The following PTX3 variants were observed in gnomAD, a reference collection of about 807,000 sequenced individuals.
The protein encoded by PTX3 is pentraxin-related protein PTX3.
PTX3 carries 24 observed loss-of-function variants against 23.5 expected under a neutral mutation model. The ratio of observed to expected loss-of-function variants is 1.02; its 90% CI spans 0.74 to 1.43. The LOEUF is 1.43. Ranked by LOEUF, PTX3 falls within the 40% of genes most tolerant of loss-of-function variation. PTX3 has a pLI of 0.00. For missense variants in PTX3, 510 were observed against 497.5 expected, an observed-to-expected ratio of 1.02 and a Z score of -0.24; for synonymous variants, 218 against 205.4, an observed-to-expected ratio of 1.06 and a Z score of -0.53.
intron 2 of PTX3, among the ~76,000 whole-genome samples, chr3:157,441,138 C>T (rs946972376): frequency 1.3e-5 from 2 of 152,126 alleles, no homozygotes; most frequent in Non-Finnish European, 1.5e-5. Context: ...AGTAGTAACA[C>T]CATCTGGATT....
Position 157,438,051 on chromosome 3 carries a change from A to G in PTX3, c.532+137A>G, listed in dbSNP as rs1345653582. 7.0e-5 allele frequency: 51 copies of G among 725,146 alleles called. 1 individual carries two copies. The highest frequency in any genetic ancestry group is 7.7e-4 in the Middle Eastern group (2 of 2,598). 44.9% of individuals were successfully genotyped at this position (725,146 alleles called of 1,614,324 possible). ...CGCGCGCGCGCGCACACACACACAC[A>G]CACACACACACACACACACACCCCT... On this transcript the variant is annotated intron_variant, in intron 2 of 2. Coordinates refer to ENST00000295927, the MANE Select transcript of PTX3 (RefSeq NM_002852.4).
At position 157,442,896 on chromosome 3, in the gene PTX3, G is replaced by C. The variant is rs149891511; in HGVS notation, c.1063G>C (p.Glu355Gln). 18 of 1,614,236 alleles carry C rather than the reference G, an allele frequency of 1.1e-5. No individual in the cohort carries two copies. The African/African-American group carries it at 1.6e-4, about 14-fold the overall frequency. The change falls in exon 3 of 3, where the codon GAG becomes CAG. Residue 355 changes from glutamate (E) to glutamine (Q), a missense_variant. Transcript: ENST00000295927. Reference sequence around the variant, plus strand: ...AGAGATAAGAGAGACCGGAGGAGCAGAGTCTTGTCACATCCGGGGGAATAT... The same window carrying C: ...AGAGATAAGAGAGACCGGAGGAGCACAGTCTTGTCACATCCGGGGGAATAT... ...NEEIRETGGAESCHIRGNIVG... is the reference protein window; with the variant it reads ...NEEIRETGGAQSCHIRGNIVG...
Position 157,442,768 on chromosome 3 carries a change from A to C in PTX3, c.935A>C (p.Gln312Pro). ...VPEGGILQIG[Q>P]EKNGCCVGGG... ...GAGGGAGGAATCCTGCAGATTGGCC[A>C]AGAAAAGAATGGCTGCTGTGTGGGT... is the stretch of plus-strand genomic sequence containing the variant. Residue 312 changes from glutamine to proline, a missense_variant, in exon 3 of 3, where the codon CAA becomes CCA. Gln to Pro is a moderately conservative substitution (Grantham distance 76). Transcript: ENST00000295927. 6.2e-7 allele frequency: 1 copy of C among 1,614,238 alleles called. No individual in the cohort carries two copies. The highest frequency in any genetic ancestry group is 8.5e-7 in the Non-Finnish European group (1 of 1,180,040).
chr3:157,441,650 A>T (rs1265158886), intron 2 of PTX3, among the ~76,000 whole-genome samples: 1 of 152,094 alleles, frequency 6.6e-6, no homozygotes. Flanking sequence ...TCTAAAAAAA[A>T]AATACAATAG....
Position 157,442,810 on chromosome 3 carries a change from CATT to C in PTX3, c.979_981del (p.Leu327del). ...TGTGTGGGTGGTGGCTTTGATGAAACATTAGCCTTCTCTGGGAGACTCACAGGC... is the reference window on the plus strand; with the variant it reads ...TGTGTGGGTGGTGGCTTTGATGAAACAGCCTTCTCTGGGAGACTCACAGGC... On this transcript the variant is annotated inframe_deletion, in exon 3 of 3. Transcript: ENST00000295927. The C allele has an allele frequency of 1.9e-6, 3 of 1,614,182 alleles. No homozygotes were observed. Among genetic ancestry groups the C allele is most frequent in the Non-Finnish European group, 2.5e-6 (3 of 1,180,030 alleles).
rs1414721099 is a variant in PTX3 at position 157,443,574 on chromosome 3, T to C, written c.*595T>C. ...TTGTAAAGCTCTACTGTAAATAAAA[T>C]ATTTTATAAAACTAGCTCACGTCAT... is the stretch of plus-strand genomic sequence containing the variant. On this transcript the variant is annotated 3_prime_UTR_variant, in exon 3 of 3. Transcript: ENST00000295927. The C allele has an allele frequency of 6.6e-6, 1 of 152,624 alleles. No individual in the cohort carries two copies. The highest frequency in any genetic ancestry group is 2.4e-5 in the African/African-American group (1 of 41,472). 9.5% of individuals were successfully genotyped at this position (152,624 alleles called of 1,614,324 possible).
Position 157,442,542 on chromosome 3 carries a change from C to T in PTX3, c.709C>T (p.Gln237Ter). Residue 237 changes from glutamine to a stop codon, truncating the protein, a stop_gained, in exon 3 of 3, where the codon CAG (glutamine) becomes TAG (stop). Transcript: ENST00000295927. LOFTEE classifies it high-confidence loss of function. ...YGTKRNPYEI[Q>*]LYLSYQSIVF... Reference sequence around the variant, plus strand: ...CACAAAGAGGAATCCATATGAAATCCAGCTGTATCTCAGCTACCAATCCAT... The same window carrying T: ...CACAAAGAGGAATCCATATGAAATCTAGCTGTATCTCAGCTACCAATCCAT... The T allele has an allele frequency of 1.2e-6, 2 of 1,614,142 alleles. No homozygotes were observed. The highest frequency in any genetic ancestry group is 1.7e-6 in the Non-Finnish European group (2 of 1,180,020).
Position 157,442,788 on chromosome 3 carries a change from G to A in PTX3, c.955G>A (p.Val319Met), listed in dbSNP as rs1734235609. 3 of 1,614,252 alleles carry A rather than the reference G, an allele frequency of 1.9e-6. No individual in the cohort carries two copies. The highest frequency in any genetic ancestry group is 2.5e-6 in the Non-Finnish European group (3 of 1,180,042). ...TGGCCAAGAAAAGAATGGCTGCTGT[G>A]TGGGTGGTGGCTTTGATGAAACATT... Reference protein sequence around the residue: ...QIGQEKNGCCVGGGFDETLAF... With the variant: ...QIGQEKNGCCMGGGFDETLAF... Residue 319 changes from valine to methionine, a missense_variant, in exon 3 of 3, where the codon GTG becomes ATG. Physicochemically the swap from Val to Met is conservative, Grantham distance 21. Coordinates refer to ENST00000295927, the MANE Select transcript of PTX3 (RefSeq NM_002852.4).
intron 2 of PTX3, among the ~76,000 whole-genome samples, chr3:157,438,240 A>G (rs1840680): frequency 0.59 from 89,401 of 151,722 alleles, 26,929 homozygotes; most frequent in African/African-American, 0.7. Context: ...GATCCGACTA[A>G]GCGCTGCAGG....
chr3:157,442,978 A>C lies in PTX3; in HGVS notation c.1145A>C (p.Ter382SerextTer3). The change falls in exon 3 of 3, where the codon TAA becomes TCA. Residue 382 changes from the stop codon to serine (S), a stop_lost. Transcript: ENST00000295927. ...QPHGGAQYVS[*>S] ...CATGGAGGAGCTCAGTATGTTTCAT[A>C]AATGTTGTGAAACTCCACTTGAAGC... 6.3e-7 allele frequency: 1 copy of C among 1,585,948 alleles called. No homozygotes were observed. The highest frequency in any genetic ancestry group is 8.6e-7 in the Non-Finnish European group (1 of 1,167,106).
At chr3:157,441,468 A>T (rs924189528) in intron 2 of PTX3, among the ~76,000 whole-genome samples, 4 of 152,142 alleles carry the variant, frequency 2.6e-5, no homozygotes, top group Non-Finnish European at 5.9e-5. Context: ...TAGTTTTCTA[A>T]AAACTCTGCA....
In PTX3 at chr3:157,436,852, T is replaced by A; in HGVS notation, c.-82T>A. On this transcript the variant is annotated 5_prime_UTR_variant, in exon 1 of 3. Coordinates refer to ENST00000295927, the MANE Select transcript of PTX3 (RefSeq NM_002852.4). ...AGGACTCTCTGCTCCAGCCTCTCACTCTCACTCTCCTCCGCTCAAACTCAG... is the reference window on the plus strand; with the variant it reads ...AGGACTCTCTGCTCCAGCCTCTCACACTCACTCTCCTCCGCTCAAACTCAG... 1 of 1,426,764 alleles carries A rather than the reference T, an allele frequency of 7.0e-7. No homozygotes were observed. Among genetic ancestry groups the A allele is most frequent in the East Asian group, 2.7e-5 (1 of 37,268 alleles). The allele number at this position is 1,426,764 out of a possible 1,614,324, so 88.4% of individuals were successfully genotyped here.
In PTX3 at chr3:157,442,464, AT is replaced by A. The variant is rs1734202871; in HGVS notation, c.634del (p.Trp212GlyfsTer8). 6.2e-7 allele frequency: 1 copy of A among 1,614,100 alleles called. No homozygotes were observed. The highest frequency in any genetic ancestry group is 8.5e-7 in the Non-Finnish European group (1 of 1,180,044). Reference sequence around the variant, plus strand: ...GAGGCTTGAGTCTTTTAGTGCCTGCATTTGGGTCAAAGCCACAGATGTATTA... The same window carrying A: ...GAGGCTTGAGTCTTTTAGTGCCTGCATTGGGTCAAAGCCACAGATGTATTA... ...PMRLESFSAC[I>X]WVKATDVLNK... On this transcript the variant is annotated frameshift_variant, in exon 3 of 3. Transcript: ENST00000295927. LOFTEE classifies it high-confidence loss of function.
At chr3:157,440,066 C>T (rs1734002523) in intron 2 of PTX3, among the ~76,000 whole-genome samples, 1 of 152,136 alleles carries the variant, frequency 6.6e-6, no homozygotes, top group South Asian at 2.1e-4. Flanking sequence ...TTTATAGAGA[C>T]TATATCAAAT....
At chr3:157,441,633 C>A (rs1254703780) in intron 2 of PTX3, among the ~76,000 whole-genome samples, 4 of 151,772 alleles carry the variant, frequency 2.6e-5, no homozygotes, top group Non-Finnish European at 5.9e-5. Context: ...CATGGTGAAA[C>A]CCCGTGTCTA....
In PTX3 at chr3:157,437,510, T is replaced by C. The variant is rs752871296; in HGVS notation, c.131-3T>C. 1.9e-6 allele frequency: 3 copies of C among 1,603,066 alleles called. No individual in the cohort carries two copies. The highest frequency in any genetic ancestry group is 2.7e-5 in the African/African-American group (2 of 74,666). On this transcript the variant is annotated splice_polypyrimidine_tract_variant and splice_region_variant and intron_variant, in intron 1 of 2. Transcript: ENST00000295927. ...GCTAACGTGTGTGTATCCCGTACTC[T>C]AGCCACGCCGTGCGCCTGCGGTCAG...
intron 2 of PTX3, 144 bp downstream of exon 2, chr3:157,438,058 CA>C: frequency 2.6e-6 from 2 of 755,066 alleles, no homozygotes; most frequent in Non-Finnish European, 4.1e-6. Flanking sequence ...CACACACACA[CA>C]CACACACACA....
At position 157,436,898 on chromosome 3, in the gene PTX3, C is replaced by G. The variant is rs1317734063; in HGVS notation, c.-36C>G. 1 of 1,606,012 alleles carries G rather than the reference C, an allele frequency of 6.2e-7. No individual in the cohort carries two copies. The highest frequency in any genetic ancestry group is 8.5e-7 in the Non-Finnish European group (1 of 1,174,928). Reference sequence around the variant, plus strand: ...CTCAGCTCACTTGAGAGTCTCCTCCCGCCAGCTGTGGAAAGAACTTTGCGT... The same window carrying G: ...CTCAGCTCACTTGAGAGTCTCCTCCGGCCAGCTGTGGAAAGAACTTTGCGT... On this transcript the variant is annotated 5_prime_UTR_variant, in exon 1 of 3. Coordinates refer to ENST00000295927, the MANE Select transcript of PTX3 (RefSeq NM_002852.4).
At chr3:157,438,071 A>ACACC (rs1478919297) in intron 2 of PTX3, among the ~76,000 whole-genome samples, 157 bp downstream of exon 2, 15 of 146,290 alleles carry the variant, frequency 1.0e-4, no homozygotes, top group Non-Finnish European at 1.8e-4. Flanking sequence ...ACACACACAC[A>ACACC]CCCCTATTTC....
Sources: gnomAD v4.1 joint callset for allele counts (sites outside exome capture counted in the v4.1 genomes callset) on GRCh38, gnomAD v4.1.1 for gene constraint, MANE v1.5 for transcripts, NCBI Gene and HGNC (gene_info 2026-07-23, HGNC 2026-07-21) for gene names.